Variants in BTAF1 observed in about 807,000 individuals in gnomAD.
BTAF1 encodes TATA-binding protein-associated factor 172.
A neutral mutation model predicts 227.1 loss-of-function variants in BTAF1; 38 were observed. That is an observed-to-expected ratio of 0.17 (90% CI 0.13 to 0.22). The LOEUF is 0.22. Among genes scored for constraint, BTAF1 ranks in the 10% least tolerant of loss-of-function variants. The pLI is 1.00. For synonymous variants in BTAF1, 742 were observed against 751.9 expected, an observed-to-expected ratio of 0.99 and a Z score of 0.21; for missense variants, 1,598 against 2,204.0, an observed-to-expected ratio of 0.73 and a Z score of 5.51.
In BTAF1 at chr10:91,966,772, C is replaced by G. The variant is rs1846950764; in HGVS notation, c.1650+15C>G. 1 of 1,602,530 alleles carries G rather than the reference C, an allele frequency of 6.2e-7. No homozygotes were observed. The highest frequency in any genetic ancestry group is 8.5e-7 in the Non-Finnish European group (1 of 1,175,368). ...CACAGGACCAGGTAAGAACTGATAA[C>G]TATAGCAGTCTTGAAACTTATATAA... On this transcript the variant is annotated intron_variant, in intron 14 of 37. Transcript: ENST00000265990.
intron 26 of BTAF1, 54 bp from the exon 27 acceptor site, chr10:92,008,775 T>A: frequency 6.8e-7 from 1 of 1,464,206 alleles, no homozygotes. Flanking sequence ...AATGTTTTTA[T>A]AAGAAAAAAT....
chr10:91,937,208 T>C (rs1349144010), intron 2 of BTAF1, among the ~76,000 whole-genome samples: 1 of 152,062 alleles, frequency 6.6e-6, no homozygotes, highest in African/African-American at 2.4e-5. Flanking sequence ...TTGGCTAGGA[T>C]GGTCTTGATC....
rs538247088 is a variant in BTAF1 at position 91,984,071 on chromosome 10, T to C, written c.2224-130T>C. 7.7e-6 allele frequency: 6 copies of C among 782,048 alleles called. No homozygotes were observed. The African/African-American group carries it at 8.8e-5, about 11-fold the overall frequency. 48.4% of individuals were successfully genotyped at this position (782,048 alleles called of 1,614,324 possible). A position where few individuals can be genotyped will look rare whatever the true frequency, so the allele number is the denominator to read the frequency against. On this transcript the variant is annotated intron_variant, in intron 18 of 37. Transcript: ENST00000265990. ...TTTTTCTGTGCAATTAACTGTTGTT[T>C]GGAGAAGTAACAGAATATAGATTCA...
In BTAF1 at chr10:91,932,162, T is replaced by C. The variant is rs142443755; in HGVS notation, c.15-3495T>C. Among the ~76,000 whole-genome samples, 18 of 152,290 alleles carry C rather than the reference T, an allele frequency of 1.2e-4. No individual in the cohort carries two copies. The East Asian group carries it at 2.5e-3, about 21-fold the overall frequency. ...GTCTAAGGTCTTTGGGCAGGAGTTC[T>C]AAGTGAAGCTGGGTAGCAGAGGACC... On this transcript the variant is annotated intron_variant, in intron 1 of 37. Transcript: ENST00000265990.
chr10:91,996,655 A>G, intron 24 of BTAF1, 85 bp downstream of exon 24: 1 of 1,305,498 alleles, frequency 7.7e-7, no homozygotes. Flanking sequence ...GTGTTCTAAT[A>G]TGCACATAAA....
chr10:92,018,962 G>A (rs1850930859), intron 34 of BTAF1, 27 bp downstream of exon 34: 6 of 1,484,016 alleles, frequency 4.0e-6, no homozygotes, highest in Non-Finnish European at 4.5e-6. Context: ...AGTGTTAAAT[G>A]TGTGTTGTAC....
chr10:92,022,430 T>TC (rs1676363386), intron 34 of BTAF1, among the ~76,000 whole-genome samples: 1 of 152,154 alleles, frequency 6.6e-6, no homozygotes, highest in Non-Finnish European at 1.5e-5. Context: ...ACTTTTTTTT[T>TC]CTTCTCCTAG....
chr10:92,011,691 ACACTGGCCATT>A, intron 30 of BTAF1, among the ~76,000 whole-genome samples: 1 of 152,170 alleles, frequency 6.6e-6, no homozygotes, highest in African/African-American at 2.4e-5. Flanking sequence ...ACTCTACTCC[ACACTGGCCATT>A]CTCCTTCCAT....
In BTAF1 at chr10:91,944,887, A is replaced by G. The variant is rs1404835669; in HGVS notation, c.400+2319A>G. Among the ~76,000 whole-genome samples the G allele has an allele frequency of 2.6e-5, 4 of 152,150 alleles. No homozygotes were observed. In the East Asian group the frequency reaches 7.7e-4, roughly 29 times the overall value. ...TGGTCCCATAAAATTATATTACTGTATTTTTACTGTACCTTTTCTATGTTT... is the reference window on the plus strand; with the variant it reads ...TGGTCCCATAAAATTATATTACTGTGTTTTTACTGTACCTTTTCTATGTTT... On this transcript the variant is annotated intron_variant, in intron 4 of 37. Transcript: ENST00000265990.
chr10:92,028,692 A>C (rs1851691122), intron 37 of BTAF1, 98 bp from the exon 38 acceptor site: 1 of 1,205,362 alleles, frequency 8.3e-7, no homozygotes, highest in African/African-American at 1.6e-5. Context: ...ATTCTGTTGA[A>C]TAATTGTATT....
Position 92,006,109 on chromosome 10 carries a change from A to G in BTAF1, c.3661-2014A>G, listed in dbSNP as rs183025750. ...AGGCTGGTCTCAAACTCCTGGGCTC[A>G]ATCCTCCACCACACCCGGCCAGTAT... On this transcript the variant is annotated intron_variant, in intron 25 of 37. Coordinates refer to ENST00000265990, the MANE Select transcript of BTAF1 (RefSeq NM_003972.3). Among the ~76,000 whole-genome samples, 401 of 152,206 alleles carry G rather than the reference A, an allele frequency of 2.6e-3. 2 individuals carry two copies. The highest frequency in any genetic ancestry group is 5.6e-3 in the Admixed American group (85 of 15,280).
At chr10:91,979,685 G>C (rs1847941496) in intron 14 of BTAF1, among the ~76,000 whole-genome samples, 1 of 152,130 alleles carries the variant, frequency 6.6e-6, no homozygotes, top group South Asian at 2.1e-4. Context: ...GCTTGTAATT[G>C]TTTGAATAGC....
At chr10:91,975,429 G>C (rs1392443073) in intron 14 of BTAF1, among the ~76,000 whole-genome samples, 1 of 152,232 alleles carries the variant, frequency 6.6e-6, no homozygotes, top group African/African-American at 2.4e-5. Context: ...ATGAAAAGGA[G>C]AGAGCAAAGT....
At chr10:91,952,974 G>C (rs1195758481) in intron 5 of BTAF1, among the ~76,000 whole-genome samples, 1 of 152,146 alleles carries the variant, frequency 6.6e-6, no homozygotes, top group African/African-American at 2.4e-5. Context: ...ACACTAATTT[G>C]GGGTTTGCAA....
Position 91,942,432 on chromosome 10 carries a change from C to T in BTAF1, c.264C>T (p.Ser88=), listed in dbSNP as rs1360362534. 1.6e-5 allele frequency: 25 copies of T among 1,610,922 alleles called. No individual in the cohort carries two copies. Among genetic ancestry groups the T allele is most frequent in the South Asian group, 5.5e-5 (5 of 90,992 alleles). The change falls in exon 4 of 38, where the codon TCC becomes TCT. Residue 88 remains serine (S), a synonymous_variant. Coordinates refer to ENST00000265990, the MANE Select transcript of BTAF1 (RefSeq NM_003972.3). ...TTAAACCTCATGTAGAACCTACTTCCGAAAGTTCTATGGAAGATTCACCTA... is the reference window on the plus strand; with the variant it reads ...TTAAACCTCATGTAGAACCTACTTCTGAAAGTTCTATGGAAGATTCACCTA... The part of the protein sequence containing the change: ...PVPRTRQEPT[S]ESSMEDSPTT...
chr10:91,939,568 A>G (rs1271316021), intron 2 of BTAF1, among the ~76,000 whole-genome samples: 1 of 152,156 alleles, frequency 6.6e-6, no homozygotes, highest in Non-Finnish European at 1.5e-5. Context: ...CCTCCCAAGT[A>G]GTCGGGATGA....
chr10:92,012,391 T>C (rs1850434498), intron 30 of BTAF1, among the ~76,000 whole-genome samples: 1 of 134,204 alleles, frequency 7.5e-6, no homozygotes, highest in African/African-American at 2.9e-5. Flanking sequence ...GGGCCACAAG[T>C]GTTAGTGTTC....
At chr10:91,951,657 A>T in intron 5 of BTAF1, 91 bp downstream of exon 5, 1 of 1,365,676 alleles carries the variant, frequency 7.3e-7, no homozygotes. Context: ...AGAAAATGTT[A>T]TACTTAGCTC....
At position 91,989,497 on chromosome 10, in the gene BTAF1, G is replaced by A. The variant is rs1392126283; in HGVS notation, c.2771G>A (p.Cys924Tyr). 1.2e-6 allele frequency: 2 copies of A among 1,613,830 alleles called. No individual in the cohort carries two copies. Among genetic ancestry groups the A allele is most frequent in the African/African-American group, 1.3e-5 (1 of 75,038 alleles). Reference protein sequence around the residue: ...CPNSKIIKNLCSSLCVDPYLT... With the variant: ...CPNSKIIKNLYSSLCVDPYLT... ...AATTCAAAAATTATTAAAAACCTCT[G>A]TAGCTCACTTTGTGTGGACCCATAT... The change falls in exon 20 of 38, where the codon TGT (cysteine) becomes TAT (tyrosine). Residue 924 changes from cysteine to tyrosine, a missense_variant. By Grantham distance (194) the Cys-to-Tyr change is radical (BLOSUM62 -2). Transcript: ENST00000265990.
Sources: gnomAD v4.1 joint callset for allele counts (sites outside exome capture counted in the v4.1 genomes callset) on GRCh38, gnomAD v4.1.1 for gene constraint, MANE v1.5 for transcripts, NCBI Gene and HGNC (gene_info 2026-07-23, HGNC 2026-07-21) for gene names.